Variants in RABGAP1 observed in about 807,000 individuals in gnomAD.
RABGAP1 encodes the protein RAB GTPase activating protein 1, also known as rab GTPase-activating protein 1.
Under a neutral mutation model 137.6 loss-of-function variants are expected in RABGAP1, and 23 were observed. The observed-to-expected ratio is 0.17, with a 90% confidence interval of 0.12 to 0.24. The LOEUF (loss-of-function observed/expected upper bound fraction) is 0.24. Ranked by LOEUF, RABGAP1 falls within the 10% of genes least tolerant of loss-of-function variation. The pLI is 1.00. For synonymous variants in RABGAP1, 451 were observed against 450.7 expected, an observed-to-expected ratio of 1.00 and a Z score of -0.01; for missense variants, 906 against 1,275.8, an observed-to-expected ratio of 0.71 and a Z score of 4.42.
At chr9:123,043,900 C>CTTTTT (rs1186243080) in intron 13 of RABGAP1, among the ~76,000 whole-genome samples, 2 of 129,432 alleles carry the variant, frequency 1.5e-5, no homozygotes, top group African/African-American at 2.9e-5. Context: ...GTATTATTTT[C>CTTTTT]TTTTTTTTTT....
At chr9:122,950,535 C>G (rs1350607965) in intron 1 of RABGAP1, among the ~76,000 whole-genome samples, 1 of 151,712 alleles carries the variant, frequency 6.6e-6, no homozygotes, top group Non-Finnish European at 1.5e-5. Context: ...TATAGTAGAG[C>G]CCTGCTGTGT....
chr9:123,061,336 A>G (rs931410486), intron 13 of RABGAP1, among the ~76,000 whole-genome samples: 1 of 152,206 alleles, frequency 6.6e-6, no homozygotes, highest in Non-Finnish European at 1.5e-5. Context: ...GCTGGTCTCA[A>G]TCTCCTGGGC....
intron 12 of RABGAP1, among the ~76,000 whole-genome samples, chr9:123,016,145 C>A (rs920945918): frequency 2.6e-5 from 4 of 152,162 alleles, no homozygotes; most frequent in African/African-American, 9.7e-5. Context: ...AGGAATTTCT[C>A]ATCAGCTCAA....
intron 2 of RABGAP1, among the ~76,000 whole-genome samples, chr9:122,965,415 C>G (rs1235712128): frequency 6.6e-6 from 1 of 152,100 alleles, no homozygotes; most frequent in Non-Finnish European, 1.5e-5. Context: ...GAGACGGAGT[C>G]TCTTGTCGCC....
At chr9:122,975,842 C>T (rs1367284143) in intron 2 of RABGAP1, among the ~76,000 whole-genome samples, 1 of 152,130 alleles carries the variant, frequency 6.6e-6, no homozygotes, top group Non-Finnish European at 1.5e-5. Context: ...TATTAACATC[C>T]TCATTTTAGA....
intron 6 of RABGAP1, chr9:122,990,781 AAAAAAAAAAAAAAAAATATATATAT>A (rs1836637516): frequency 1.9e-5 from 1 of 51,864 alleles, no homozygotes; most frequent in Admixed American, 2.6e-4. Context: ...AAAAAAAAAA[AAAAAAAAAAAAAAAAATATATATAT>A]ATATATATAT....
At chr9:123,044,069 T>G (rs1588323651) in intron 13 of RABGAP1, among the ~76,000 whole-genome samples, 1 of 151,700 alleles carries the variant, frequency 6.6e-6, no homozygotes, top group East Asian at 1.9e-4. Flanking sequence ...CATGGCTAGT[T>G]TTTTTTTGTA....
At chr9:123,003,907 G>T (rs1484982850) in intron 10 of RABGAP1, among the ~76,000 whole-genome samples, 3 of 152,156 alleles carry the variant, frequency 2.0e-5, no homozygotes, top group Non-Finnish European at 2.9e-5. Flanking sequence ...AACTATAGGG[G>T]TCTTAAAATC....
chr9:122,946,525 G>A (rs1414970975), intron 1 of RABGAP1, among the ~76,000 whole-genome samples: 1 of 152,074 alleles, frequency 6.6e-6, no homozygotes, highest in Non-Finnish European at 1.5e-5. Flanking sequence ...GTAGAAATCT[G>A]AACAGTTTTT....
chr9:122,993,551 C>T (rs376566084), intron 6 of RABGAP1, among the ~76,000 whole-genome samples: 2 of 151,962 alleles, frequency 1.3e-5, no homozygotes, highest in Non-Finnish European at 2.9e-5. Context: ...GGATTACAGG[C>T]GTGAGCCACC....
chr9:122,980,507 G>T (rs1835987620), intron 2 of RABGAP1, among the ~76,000 whole-genome samples: 1 of 152,182 alleles, frequency 6.6e-6, no homozygotes, highest in Non-Finnish European at 1.5e-5. Flanking sequence ...AGAGAAAGGG[G>T]GTGACACCAG....
chr9:122,932,090 T>C, the RABGAP1 span, among the ~76,000 whole-genome samples: 1 of 152,220 alleles, frequency 6.6e-6, no homozygotes, highest in Non-Finnish European at 1.5e-5. Context: ...GCTGTCCTGA[T>C]GTGAAAGTAC....
At chr9:122,943,091 T>A (rs1833702573) in intron 1 of RABGAP1, among the ~76,000 whole-genome samples, 1 of 73,822 alleles carries the variant, frequency 1.4e-5, no homozygotes, top group Non-Finnish European at 4.1e-5. Context: ...TTTTTTTTTT[T>A]TTTTTTTTTT....
intron 2 of RABGAP1, among the ~76,000 whole-genome samples, chr9:122,967,256 G>A (rs1185872454): frequency 6.6e-6 from 1 of 152,160 alleles, no homozygotes; most frequent in Admixed American, 6.5e-5. Flanking sequence ...AGTAAGGTTA[G>A]TGTGGGTTCA....
chr9:123,097,324 G>C (rs1437059378), intron 21 of RABGAP1, among the ~76,000 whole-genome samples: 1 of 152,212 alleles, frequency 6.6e-6, no homozygotes, highest in Non-Finnish European at 1.5e-5. Context: ...ACACAGCTTG[G>C]AGGAAGAAAA....
chr9:122,952,470 G>A (rs550811366), intron 1 of RABGAP1, among the ~76,000 whole-genome samples: 8 of 151,972 alleles, frequency 5.3e-5, no homozygotes, highest in East Asian at 3.9e-4. Context: ...GGGTTTCACC[G>A]TGTTAGCCAG....
intron 24 of RABGAP1, 152 bp from the exon 25 acceptor site, chr9:123,101,414 T>A: frequency 1.6e-6 from 1 of 607,130 alleles, no homozygotes. Flanking sequence ...TTCCAGTAGG[T>A]TATCTGCCAG....
intron 13 of RABGAP1, chr9:123,035,201 T>C (rs780764046): frequency 6.2e-7 from 1 of 1,614,086 alleles, no homozygotes; most frequent in South Asian, 1.1e-5. Context: ...TTCACCTATT[T>C]CAACATCTTC....
Position 122,986,267 on chromosome 9 carries a change from T to C in RABGAP1, c.438T>C (p.Val146=). Residue 146 remains valine (V), a synonymous_variant, in exon 4 of 26, where the codon GTT becomes GTC. Transcript: ENST00000373647. ...CAGTGGCCGATGAGGACAGCGTAGT[T>C]TTCAGTAAACTGACTTACTTAGGCT... ...FTPVADEDSV[V]FSKLTYLGCA... 1 of 1,614,202 alleles carries C rather than the reference T, an allele frequency of 6.2e-7. No homozygotes were observed. Among genetic ancestry groups the C allele is most frequent in the Non-Finnish European group, 8.5e-7 (1 of 1,180,018 alleles).
Sources: allele counts gnomAD v4.1 joint callset (sites outside exome capture counted in the v4.1 genomes callset), GRCh38; gene constraint gnomAD v4.1.1; transcripts MANE v1.5; gene names NCBI Gene and HGNC (gene_info 2026-07-23, HGNC 2026-07-21).